Variants in MDGA2 observed in about 807,000 individuals in gnomAD.
MDGA2 encodes the protein MAM domain-containing glycosylphosphatidylinositol anchor protein 2.
In MDGA2, 40 loss-of-function variants were observed where a neutral mutation model predicts 117.8. That is an observed-to-expected ratio of 0.34 (90% CI 0.26 to 0.44). MDGA2 has a LOEUF of 0.44. MDGA2 is among the 20% of genes least tolerant of loss of function. MDGA2 has a pLI of 1.00. For missense variants in MDGA2, 1,123 were observed against 1,250.6 expected (o/e 0.90, Z 1.54); for synonymous variants, 452 against 439.0 (o/e 1.03, Z -0.37).
chr14:46,893,118 G>A (rs1882944099), intron 10 of MDGA2, among the ~76,000 whole-genome samples: 1 of 151,894 alleles, frequency 6.6e-6, no homozygotes. Context: ...ATGAATGAAT[G>A]AATGGATAAA....
intron 9 of MDGA2, among the ~76,000 whole-genome samples, chr14:46,952,736 G>C (rs1029868191): frequency 1.7e-4 from 26 of 152,054 alleles, no homozygotes; most frequent in Non-Finnish European, 3.1e-4. Flanking sequence ...AGTAACATGT[G>C]AAGAAAGGCA....
Position 46,913,219 on chromosome 14 carries a change from A to G in MDGA2, c.2238+6793T>C, listed in dbSNP as rs532112659. ...CTATTCTAATCTAAATCATCAGTAC[A>G]TGCCCCAAATATGTGCCTAACTGTT... On this transcript the variant is annotated intron_variant, in intron 10 of 16. Transcript: ENST00000399232. Among the ~76,000 whole-genome samples, 23 of 152,260 alleles carry G rather than the reference A, an allele frequency of 1.5e-4. 1 individual carries two copies. The highest frequency in any genetic ancestry group is 4.1e-4 in the African/African-American group (17 of 41,554).
chr14:47,432,014 T>A lies in MDGA2; in HGVS notation c.281-130464A>T, dbSNP rs142223478. ...AAATATAGATAGCATATTATTTACA[T>A]CGACTTGGTTATCCAATGGAGATTA... is the stretch of plus-strand genomic sequence containing the variant. On this transcript the variant is annotated intron_variant, in intron 1 of 16. Transcript: ENST00000399232. Among the ~76,000 whole-genome samples, 23 of 152,194 alleles carry A rather than the reference T, an allele frequency of 1.5e-4. No homozygotes were observed. In the East Asian group the frequency reaches 4.5e-3, roughly 29 times the overall value.
chr14:47,351,632 C>T (rs1176006758), intron 1 of MDGA2, among the ~76,000 whole-genome samples: 1 of 152,042 alleles, frequency 6.6e-6, no homozygotes, highest in Non-Finnish European at 1.5e-5. Flanking sequence ...ATTGCCCCAC[C>T]TTATTCACTG....
chr14:47,298,395 A>G (rs1021808577), intron 2 of MDGA2, among the ~76,000 whole-genome samples: 1 of 152,214 alleles, frequency 6.6e-6, no homozygotes, highest in African/African-American at 2.4e-5. Flanking sequence ...GGAAATAAAC[A>G]ATCTTTATGA....
At chr14:47,121,843 C>G (rs1006445548) in intron 5 of MDGA2, among the ~76,000 whole-genome samples, 1 of 151,986 alleles carries the variant, frequency 6.6e-6, no homozygotes, top group Non-Finnish European at 1.5e-5. Flanking sequence ...ATTGATAGCA[C>G]AAATATTTGC....
intron 5 of MDGA2, among the ~76,000 whole-genome samples, chr14:47,098,158 C>T (rs1246253491): frequency 6.8e-6 from 1 of 147,212 alleles, no homozygotes; most frequent in Non-Finnish European, 1.5e-5. Context: ...TTCAATTGTA[C>T]TGTGTTTTTT....
At chr14:46,973,188 C>T (rs1281178735) in intron 8 of MDGA2, among the ~76,000 whole-genome samples, 6 of 152,120 alleles carry the variant, frequency 3.9e-5, no homozygotes, top group Non-Finnish European at 7.3e-5. Context: ...GGCACAGCCA[C>T]TTTGGAAAAT....
At chr14:47,228,737 A>T (rs549717323) in intron 2 of MDGA2, among the ~76,000 whole-genome samples, 3 of 152,310 alleles carry the variant, frequency 2.0e-5, no homozygotes, top group African/African-American at 7.2e-5. Flanking sequence ...CACAATCAGT[A>T]AAAGGAAAAG....
At chr14:47,388,780 G>C (rs952045038) in intron 1 of MDGA2, among the ~76,000 whole-genome samples, 1 of 152,094 alleles carries the variant, frequency 6.6e-6, no homozygotes, top group Non-Finnish European at 1.5e-5. Flanking sequence ...CTAGGGAGGA[G>C]GATAAGTGAC....
At chr14:47,361,693 G>C (rs1171035238) in intron 1 of MDGA2, among the ~76,000 whole-genome samples, 1 of 152,048 alleles carries the variant, frequency 6.6e-6, no homozygotes, top group Non-Finnish European at 1.5e-5. Flanking sequence ...GATTGGACCA[G>C]ATGAGTTCTT....
chr14:47,494,508 C>G (rs1029314369), intron 1 of MDGA2, among the ~76,000 whole-genome samples: 8 of 152,110 alleles, frequency 5.3e-5, no homozygotes, highest in Non-Finnish European at 1.0e-4. Flanking sequence ...ATGATTATTT[C>G]TTTTGCTGTG....
At chr14:47,646,986 G>A (rs766651538) in intron 1 of MDGA2, among the ~76,000 whole-genome samples, 2 of 152,096 alleles carry the variant, frequency 1.3e-5, no homozygotes, top group Non-Finnish European at 2.9e-5. Context: ...GAACATCTAA[G>A]AGATAGTTTA....
intron 1 of MDGA2, among the ~76,000 whole-genome samples, chr14:47,665,628 C>T (rs2138303121): frequency 1.3e-5 from 2 of 152,294 alleles, no homozygotes; most frequent in South Asian, 4.1e-4. Flanking sequence ...CTCGGAGCGG[C>T]CTGCTGGCCC....
intron 2 of MDGA2, among the ~76,000 whole-genome samples, chr14:47,234,311 T>G (rs1886789104): frequency 6.6e-6 from 1 of 151,502 alleles, no homozygotes; most frequent in Non-Finnish European, 1.5e-5. Context: ...TCTAGCATAA[T>G]AACAAACCCT....
chr14:47,225,224 C>T (rs565505661), intron 2 of MDGA2, among the ~76,000 whole-genome samples: 1 of 152,092 alleles, frequency 6.6e-6, no homozygotes, highest in African/African-American at 2.4e-5. Flanking sequence ...GGACTGTAAA[C>T]TAGTTCAACC....
At chr14:47,240,224 T>C (rs1054507005) in intron 2 of MDGA2, among the ~76,000 whole-genome samples, 10 of 151,632 alleles carry the variant, frequency 6.6e-5, no homozygotes, top group Non-Finnish European at 1.3e-4. Flanking sequence ...TTTGTATTTT[T>C]AGTAGAGATG....
At chr14:47,159,904 T>C (rs974122518) in intron 3 of MDGA2, among the ~76,000 whole-genome samples, 1 of 152,234 alleles carries the variant, frequency 6.6e-6, no homozygotes, top group Admixed American at 6.5e-5. Context: ...TTCATAGACA[T>C]ATAACTTAAT....
chr14:47,123,846 A>T, intron 5 of MDGA2, among the ~76,000 whole-genome samples: 1 of 152,094 alleles, frequency 6.6e-6, no homozygotes, highest in East Asian at 1.9e-4. Context: ...ATTATTTTTG[A>T]AAACAAAAAT....
Sources: gnomAD v4.1 joint callset for allele counts (sites outside exome capture counted in the v4.1 genomes callset) on GRCh38, gnomAD v4.1.1 for gene constraint, MANE v1.5 for transcripts, NCBI Gene and HGNC (gene_info 2026-07-23, HGNC 2026-07-21) for gene names.